Variants in PCDHGB7 observed in about 807,000 individuals in gnomAD.
The protein encoded by PCDHGB7 is protocadherin gamma subfamily B, 7.
A neutral mutation model predicts 61.4 loss-of-function variants in PCDHGB7; 37 were observed. That is an observed-to-expected ratio of 0.60 (90% CI 0.46 to 0.79). The LOEUF (loss-of-function observed/expected upper bound fraction) is 0.79, where lower values mean the gene tolerates loss of function less well. PCDHGB7 is among the 30% of genes least tolerant of loss of function. The pLI, the probability that PCDHGB7 is intolerant of heterozygous loss-of-function variation, is 0.00. For synonymous variants in PCDHGB7, 464 were observed against 503.5 expected (o/e 0.92, Z 1.05); for missense variants, 1,166 against 1,202.5 (o/e 0.97, Z 0.45).
In PCDHGB7 at chr5:141,486,474, C is replaced by T. The variant is rs1594589698; in HGVS notation, c.2416-8333C>T. On this transcript the variant is annotated intron_variant, in intron 1 of 3. Transcript: ENST00000398594. This position sits in a 1 kb window ranked among gnomAD's most constrained non-coding sequence, Gnocchi z 5.0. ...ACTGCTTCTGATGCTGGGAACCCTCCTCTCAGTACCCACAGAACTATTTTC... is the reference window on the plus strand; with the variant it reads ...ACTGCTTCTGATGCTGGGAACCCTCTTCTCAGTACCCACAGAACTATTTTC... 1 of 1,614,016 alleles carries T rather than the reference C, an allele frequency of 6.2e-7. No homozygotes were observed. Among genetic ancestry groups the T allele is most frequent in the South Asian group, 1.1e-5 (1 of 91,082 alleles).
intron 1 of PCDHGB7, among the ~76,000 whole-genome samples, chr5:141,473,191 G>C (rs28479996): frequency 6.6e-6 from 1 of 152,134 alleles, no homozygotes; most frequent in South Asian, 2.1e-4. Flanking sequence ...AGGAGTAAAT[G>C]TATCTTCTAA....
intron 1 of PCDHGB7, among the ~76,000 whole-genome samples, chr5:141,456,083 G>A (rs2098842632): frequency 6.6e-6 from 1 of 151,960 alleles, no homozygotes; most frequent in South Asian, 2.1e-4. Context: ...ATTTTCAGTA[G>A]AGACGGGATT....
intron 1 of PCDHGB7, chr5:141,423,599 C>T (rs1185412610): frequency 6.2e-7 from 1 of 1,612,844 alleles, no homozygotes; most frequent in Non-Finnish European, 8.5e-7. Context: ...AAAAGCGAGC[C>T]ACTCTTGATA....
chr5:141,430,992 A>G (rs1223969128), intron 1 of PCDHGB7: 2 of 1,613,824 alleles, frequency 1.2e-6, no homozygotes, highest in Admixed American at 3.3e-5. Context: ...TTCGCCCTGA[A>G]TCCGCGCAGC....
At chr5:141,450,292 C>T (rs1310226132) in intron 1 of PCDHGB7, among the ~76,000 whole-genome samples, 2 of 152,066 alleles carry the variant, frequency 1.3e-5, no homozygotes, top group African/African-American at 2.4e-5. Context: ...GGATTACAGG[C>T]GTGAGCCACC....
In PCDHGB7 at chr5:141,477,850, G is replaced by C. The variant is rs2099420608; in HGVS notation, c.2416-16957G>C. On this transcript the variant is annotated intron_variant, in intron 1 of 3. Coordinates refer to ENST00000398594, the MANE Select transcript of PCDHGB7 (RefSeq NM_018927.4). The surrounding 1 kb of genome is among the most constrained non-coding windows in gnomAD (Gnocchi z 4.9). Reference sequence around the variant, plus strand: ...CTCGGCCAGGTGGGAGCTCGGTGGAGATGCTGCCTCGAGGTACCTCAGCTG... The same window carrying C: ...CTCGGCCAGGTGGGAGCTCGGTGGACATGCTGCCTCGAGGTACCTCAGCTG... 6.2e-6 allele frequency: 10 copies of C among 1,613,328 alleles called. No individual in the cohort carries two copies. Among genetic ancestry groups the C allele is most frequent in the Non-Finnish European group, 7.6e-6 (9 of 1,179,812 alleles).
chr5:141,472,564 A>G (rs1471933375), intron 1 of PCDHGB7, among the ~76,000 whole-genome samples: 6 of 152,050 alleles, frequency 3.9e-5, no homozygotes, highest in Admixed American at 2.6e-4. Context: ...TATATTATAA[A>G]TGCTGCATCT....
In PCDHGB7 at chr5:141,419,570, G is replaced by T; in HGVS notation, c.1711G>T (p.Gly571Cys). ...GCTGTACCCTGCGCTGGGTCCCGAC[G>T]GCTCCGCGCTCTTCGACACAGTGCC... is the stretch of plus-strand genomic sequence containing the variant. Reference protein sequence around the residue: ...RVLYPALGPDGSALFDTVPRA... With the variant: ...RVLYPALGPDCSALFDTVPRA... Residue 571 changes from glycine (G) to cysteine (C), a missense_variant, in exon 1 of 4, where the codon GGC (glycine) becomes TGC (cysteine). Gly to Cys is a radical substitution (Grantham distance 159). Transcript: ENST00000398594. 1 of 1,611,766 alleles carries T rather than the reference G, an allele frequency of 6.2e-7. No individual in the cohort carries two copies.
intron 3 of PCDHGB7, among the ~76,000 whole-genome samples, chr5:141,508,772 C>T (rs1015277795): frequency 5.3e-5 from 8 of 152,070 alleles, no homozygotes; most frequent in African/African-American, 1.2e-4. Flanking sequence ...TGAGGTCCCC[C>T]CTCTAGCCCC....
chr5:141,483,648 T>TTG (rs111458813), intron 1 of PCDHGB7, among the ~76,000 whole-genome samples: 1,883 of 149,700 alleles, frequency 0.013, 19 homozygotes, highest in African/African-American at 0.023. Flanking sequence ...GGGTGTGTGT[T>TTG]TGTGTGTGTG....
Position 141,477,809 on chromosome 5 carries a change from C to A in PCDHGB7, c.2416-16998C>A. 1 of 1,614,146 alleles carries A rather than the reference C, an allele frequency of 6.2e-7. No individual in the cohort carries two copies. Among genetic ancestry groups the A allele is most frequent in the Non-Finnish European group, 8.5e-7 (1 of 1,180,040 alleles). On this transcript the variant is annotated intron_variant, in intron 1 of 3. Coordinates refer to ENST00000398594, the MANE Select transcript of PCDHGB7 (RefSeq NM_018927.4). The surrounding 1 kb of genome is among the most constrained non-coding windows in gnomAD (Gnocchi z 4.9). ...TGTCACTGATCGCAATGACAATGCC[C>A]CCCAGGTCCTATATCCTCGGCCAGG...
chr5:141,457,279 G>A (rs948609305), intron 1 of PCDHGB7, among the ~76,000 whole-genome samples: 2 of 152,190 alleles, frequency 1.3e-5, no homozygotes, highest in African/African-American at 4.8e-5. Flanking sequence ...GTGGGCCTAC[G>A]AAGTTCCTTG....
intron 1 of PCDHGB7, among the ~76,000 whole-genome samples, chr5:141,446,610 G>A (rs1167777615): frequency 6.6e-6 from 1 of 152,098 alleles, no homozygotes; most frequent in Non-Finnish European, 1.5e-5. Flanking sequence ...CTGAGTAGCT[G>A]GGACTACAGG....
At position 141,476,606 on chromosome 5, in the gene PCDHGB7, G is replaced by T. The variant is rs2099394832; in HGVS notation, c.2416-18201G>T. The stretch of plus-strand genomic sequence containing the variant: ...GCTCGAGAGCGCGCACGATCCCGAT[G>T]TGGGAAGCAACTCTTTACAAACCTA... On this transcript the variant is annotated intron_variant, in intron 1 of 3. Transcript: ENST00000398594. The surrounding 1 kb of genome is among the most constrained non-coding windows in gnomAD (Gnocchi z 7.6). The T allele has an allele frequency of 1.9e-6, 3 of 1,614,126 alleles. No individual in the cohort carries two copies. Among genetic ancestry groups the T allele is most frequent in the Non-Finnish European group, 1.7e-6 (2 of 1,180,054 alleles).
At chr5:141,449,156 G>T (rs4432943) in intron 1 of PCDHGB7, among the ~76,000 whole-genome samples, 84,481 of 151,978 alleles carry the variant, frequency 0.56, 26,202 homozygotes, top group African/African-American at 0.85. Context: ...GGTCAAAGAG[G>T]AAATAGGTGT....
rs1374190670 is a variant in PCDHGB7 at position 141,487,196 on chromosome 5, G to C, written c.2416-7611G>C. ...GGAAGACACTCATCCAGTTGTCCCAGATCTTCGAGAATCTTCAGCTCCAAG... is the reference window on the plus strand; with the variant it reads ...GGAAGACACTCATCCAGTTGTCCCACATCTTCGAGAATCTTCAGCTCCAAG... On this transcript the variant is annotated intron_variant, in intron 1 of 3. Coordinates refer to ENST00000398594, the MANE Select transcript of PCDHGB7 (RefSeq NM_018927.4). The surrounding 1 kb of genome is among the most constrained non-coding windows in gnomAD (Gnocchi z 5.0). 6.2e-7 allele frequency: 1 copy of C among 1,613,878 alleles called. No homozygotes were observed. Among genetic ancestry groups the C allele is most frequent in the Admixed American group, 1.7e-5 (1 of 60,030 alleles).
At position 141,432,117 on chromosome 5, in the gene PCDHGB7, C is replaced by G. The variant is rs761106133; in HGVS notation, c.2415+11843C>G. The G allele has an allele frequency of 6.2e-7, 1 of 1,614,062 alleles. No homozygotes were observed. The highest frequency in any genetic ancestry group is 8.5e-7 in the Non-Finnish European group (1 of 1,180,048). ...ACCAACGACAACCCGCCGGTCTTCC[C>G]TCAGGCCTCCTATTCCGCTTATATC... is the stretch of plus-strand genomic sequence containing the variant. On this transcript the variant is annotated intron_variant, in intron 1 of 3. Transcript: ENST00000398594. The surrounding 1 kb of genome is among the most constrained non-coding windows in gnomAD (Gnocchi z 6.0).
rs756094875 is a variant in PCDHGB7 at position 141,419,594 on chromosome 5, C to T, written c.1735C>T (p.Pro579Ser). 2.6e-5 allele frequency: 42 copies of T among 1,611,572 alleles called. No homozygotes were observed. Among genetic ancestry groups the T allele is most frequent in the Admixed American group, 3.3e-5 (2 of 59,964 alleles). ...PDGSALFDTV[P>S]RAAQPGYLVT... ...CGGCTCCGCGCTCTTCGACACAGTG[C>T]CGCGGGCCGCGCAGCCAGGCTACCT... Residue 579 changes from proline to serine, a missense_variant, in exon 1 of 4, where the codon CCG becomes TCG. Pro to Ser is a moderately conservative substitution (Grantham distance 74, BLOSUM62 -1). Transcript: ENST00000398594.
At chr5:141,473,750 G>C (rs777343462) in intron 1 of PCDHGB7, among the ~76,000 whole-genome samples, 1 of 152,192 alleles carries the variant, frequency 6.6e-6, no homozygotes, top group Non-Finnish European at 1.5e-5. Context: ...TGAGAACTTG[G>C]ATACTATGCA....
Sources: gnomAD v4.1 joint callset for allele counts (sites outside exome capture counted in the v4.1 genomes callset) on GRCh38, gnomAD v4.1.1 for gene constraint, Gnocchi (gnomAD v3.1) non-coding constraint, MANE v1.5 for transcripts, NCBI Gene and HGNC (gene_info 2026-07-23, HGNC 2026-07-21) for gene names.